GMEB1: variants seen among roughly 807,000 people sequenced by gnomAD.
The protein encoded by GMEB1 is glucocorticoid modulatory element binding protein 1.
GMEB1 carries 6 observed loss-of-function variants against 52.4 expected under a neutral mutation model. The observed-to-expected ratio is 0.11, with a 90% CI of 0.06 to 0.23. The LOEUF is 0.23. GMEB1 is among the 10% of genes least tolerant of loss of function. The pLI, the probability that GMEB1 is intolerant of heterozygous loss-of-function variation, is 1.00. For synonymous variants in GMEB1, 255 were observed against 244.9 expected (o/e 1.04, Z -0.38); for missense variants, 486 against 685.6 (o/e 0.71, Z 3.25).
chr1:28,688,925 T>C (rs1669820904), intron 2 of GMEB1, among the ~76,000 whole-genome samples: 1 of 133,168 alleles, frequency 7.5e-6, no homozygotes, highest in South Asian at 2.5e-4. Flanking sequence ...AGAGTCTTGC[T>C]CCATCGCCCA....
At chr1:28,688,079 G>A (rs1669772364) in intron 2 of GMEB1, among the ~76,000 whole-genome samples, 1 of 152,162 alleles carries the variant, frequency 6.6e-6, no homozygotes, top group Non-Finnish European at 1.5e-5. Context: ...GAGGTCGGGA[G>A]TTTGAGACCA....
chr1:28,691,672 A>G lies in GMEB1; in HGVS notation c.299A>G (p.Lys100Arg), dbSNP rs371609132. ...GESKAILLWKKFVCPGINVKC... is the reference protein window; with the variant it reads ...GESKAILLWKRFVCPGINVKC... The stretch of plus-strand genomic sequence containing the variant: ...AGCAAAGCCATCCTCCTCTGGAAGA[A>G]GTTTGTATGTCCAGGAATAAACGTG... The change falls in exon 4 of 10, where the codon AAG becomes AGG. Residue 100 changes from lysine (K) to arginine (R), a missense_variant. Transcript: ENST00000373816. 10 of 1,582,030 alleles carry G rather than the reference A, an allele frequency of 6.3e-6. No homozygotes were observed. Among genetic ancestry groups the G allele is most frequent in the African/African-American group, 1.3e-5 (1 of 74,236 alleles).
intron 9 of GMEB1, among the ~76,000 whole-genome samples, 189 bp downstream of exon 9, chr1:28,710,831 A>G (rs540193587): frequency 1.1e-3 from 168 of 152,070 alleles, no homozygotes; most frequent in African/African-American, 3.5e-3. Context: ...AAGGAAAAAA[A>G]AAGGAAGCTG....
At chr1:28,712,727 GA>G (rs368368950) in intron 9 of GMEB1, among the ~76,000 whole-genome samples, 3 of 152,102 alleles carry the variant, frequency 2.0e-5, no homozygotes, top group African/African-American at 7.2e-5. Flanking sequence ...GCTGAGGCAG[GA>G]GAATCACTTG....
At chr1:28,696,714 C>T (rs185221612) in intron 5 of GMEB1, among the ~76,000 whole-genome samples, 39 of 152,150 alleles carry the variant, frequency 2.6e-4, no homozygotes, top group Non-Finnish European at 4.7e-4. Flanking sequence ...GAATAAACTA[C>T]AGAGGGAGGA....
chr1:28,689,081 G>C (rs1570402295), intron 2 of GMEB1, among the ~76,000 whole-genome samples: 2 of 151,746 alleles, frequency 1.3e-5, no homozygotes, highest in East Asian at 3.9e-4. Flanking sequence ...GTAGAGACGG[G>C]GTTTCACCAT....
chr1:28,714,828 T>C lies in GMEB1; in HGVS notation c.*55T>C. 3.2e-6 allele frequency: 4 copies of C among 1,250,776 alleles called. No individual in the cohort carries two copies. Among genetic ancestry groups the C allele is most frequent in the Non-Finnish European group, 4.5e-6 (4 of 881,952 alleles). 77.5% of individuals were successfully genotyped at this position (1,250,776 alleles called of 1,614,324 possible). On this transcript the variant is annotated 3_prime_UTR_variant, in exon 10 of 10. Transcript: ENST00000373816. ...TTGATTTGGAATTTTAATTATTTGT[T>C]TATTTTTATCATTGTCCCACTCATT...
chr1:28,702,662 G>C, intron 7 of GMEB1, 93 bp downstream of exon 7: 1 of 1,188,398 alleles, frequency 8.4e-7, no homozygotes, highest in Non-Finnish European at 1.2e-6. Context: ...AATTACTTTC[G>C]CTGGATTTTC....
chr1:28,702,628 C>T, intron 7 of GMEB1, 59 bp downstream of exon 7: 1 of 1,485,438 alleles, frequency 6.7e-7, no homozygotes, highest in African/African-American at 1.4e-5. Context: ...TCACCATTAT[C>T]ATTATGGACA....
In GMEB1 at chr1:28,714,216, A is replaced by G; in HGVS notation, c.1135A>G (p.Thr379Ala). 1.2e-6 allele frequency: 2 copies of G among 1,614,128 alleles called. No individual in the cohort carries two copies. Among genetic ancestry groups the G allele is most frequent in the Non-Finnish European group, 8.5e-7 (1 of 1,180,022 alleles). ...RPRLQRPAST[T>A]VLSPSPPVQQ... ...CCGGCTCCAGCGGCCAGCCTCCACC[A>G]CTGTCTTGAGCCCTTCTCCTCCTGT... Residue 379 changes from threonine (T) to alanine (A), a missense_variant, in exon 10 of 10, where the codon ACT becomes GCT. Thr to Ala is a moderately conservative substitution (Grantham distance 58). This residue lies in a region of GMEB1 where 200 missense variants were observed against 253.5 expected (regional missense o/e 0.79). Coordinates refer to ENST00000373816, the MANE Select transcript of GMEB1 (RefSeq NM_001319674.2).
intron 1 of GMEB1, among the ~76,000 whole-genome samples, chr1:28,683,055 G>A (rs968079992): frequency 3.3e-5 from 5 of 152,046 alleles, no homozygotes; most frequent in Admixed American, 2.6e-4. Context: ...TGAGTCACAC[G>A]TACTAAGAAA....
intron 8 of GMEB1, among the ~76,000 whole-genome samples, chr1:28,705,448 T>TC (rs1382592022): frequency 1.4e-5 from 2 of 147,912 alleles, no homozygotes; most frequent in Middle Eastern, 3.5e-3. Context: ...GTATTTTCTT[T>TC]TTTTTTTTTT....
chr1:28,669,213 C>T lies in GMEB1; in HGVS notation c.-31+374C>T, dbSNP rs1308444520. On this transcript the variant is annotated intron_variant, in intron 1 of 9. Coordinates refer to ENST00000373816, the MANE Select transcript of GMEB1 (RefSeq NM_001319674.2). ...GGCCCGGAAGTACTCGGCTCAGGGG[C>T]CAGGAGGGGCCGGAGTGACTCCGGA... 4.0e-5 allele frequency among the ~76,000 whole-genome samples: 6 copies of T among 151,682 alleles called. No homozygotes were observed. The Middle Eastern group carries it at 0.01, about 258-fold the overall frequency.
At chr1:28,703,204 A>G (rs935569581) in intron 7 of GMEB1, among the ~76,000 whole-genome samples, 3 of 152,174 alleles carry the variant, frequency 2.0e-5, no homozygotes, top group African/African-American at 7.2e-5. Context: ...AGATATTAGA[A>G]GGAAAAAATA....
chr1:28,704,197 A>G lies in GMEB1; in HGVS notation c.736A>G (p.Thr246Ala). ...KKDSEEISED[T>A]LMFWKGIADV... is the part of the protein sequence containing the mutation. ...TCTTATCCTTCTTGTGCCAGAGGACACTTTGATGTTCTGGAAAGGAATAGC... is the reference window on the plus strand; with the variant it reads ...TCTTATCCTTCTTGTGCCAGAGGACGCTTTGATGTTCTGGAAAGGAATAGC... Residue 246 changes from threonine to alanine, a missense_variant, in exon 8 of 10, where the codon ACT becomes GCT. Thr to Ala is a moderately conservative substitution (Grantham distance 58, BLOSUM62 0). Around this residue, in one of 5 missense-constraint regions of GMEB1, gnomAD observed 200 missense variants for 253.5 expected, o/e 0.79. Transcript: ENST00000373816. The G allele has an allele frequency of 1.2e-6, 2 of 1,610,574 alleles. No individual in the cohort carries two copies. Among genetic ancestry groups the G allele is most frequent in the Non-Finnish European group, 1.7e-6 (2 of 1,178,242 alleles).
At position 28,714,273 on chromosome 1, in the gene GMEB1, A is replaced by G. The variant is rs1361445956; in HGVS notation, c.1192A>G (p.Ile398Val). The G allele has an allele frequency of 5.0e-6, 8 of 1,613,954 alleles. No homozygotes were observed. Among genetic ancestry groups the G allele is most frequent in the African/African-American group, 1.3e-5 (1 of 74,888 alleles). Residue 398 changes from isoleucine to valine, a missense_variant, in exon 10 of 10, where the codon ATC (isoleucine) becomes GTC (valine). Physicochemically the swap from Ile to Val is conservative, Grantham distance 29. This residue lies in a region of GMEB1 where 2 missense variants were observed against 17.4 expected (regional missense o/e 0.12). Coordinates refer to ENST00000373816, the MANE Select transcript of GMEB1 (RefSeq NM_001319674.2). ...GCCTCAGTTCACAGTCATCTCACCC[A>G]TCACCATCACCCCAGTGGGTCAGTC... is the stretch of plus-strand genomic sequence containing the variant. Reference protein sequence around the residue: ...QQPQFTVISPITITPVGQSFS... With the variant: ...QQPQFTVISPVTITPVGQSFS...
At chr1:28,697,191 A>ATATATATATT (rs1381954086) in intron 6 of GMEB1, 107 bp downstream of exon 6, 1 of 151,126 alleles carries the variant, frequency 6.6e-6, no homozygotes, top group East Asian at 1.7e-4. Flanking sequence ...ATATATATAT[A>ATATATATATT]TATATATATG....
intron 1 of GMEB1, among the ~76,000 whole-genome samples, chr1:28,669,067 C>G (rs1275249741): frequency 6.8e-6 from 1 of 146,998 alleles, no homozygotes; most frequent in African/African-American, 2.4e-5. Flanking sequence ...GCTGGGTCCG[C>G]CCGAGCCGCC....
chr1:28,715,872 A>G lies in GMEB1; in HGVS notation c.*1099A>G, dbSNP rs900217766. 6 of 151,178 alleles carry G rather than the reference A, an allele frequency of 4.0e-5. No homozygotes were observed. The highest frequency in any genetic ancestry group is 1.5e-4 in the African/African-American group (6 of 41,086). The allele number at this position is 151,178 out of a possible 1,614,324, so 9.4% of individuals were successfully genotyped here. ...TTTGGGAGGCCGAGGTGGGTGAATCACCTGAGGTCAGGAGTTTGAGGCCAG... is the reference window on the plus strand; with the variant it reads ...TTTGGGAGGCCGAGGTGGGTGAATCGCCTGAGGTCAGGAGTTTGAGGCCAG... On this transcript the variant is annotated 3_prime_UTR_variant, in exon 10 of 10. Transcript: ENST00000373816.
Sources: allele counts gnomAD v4.1 joint callset (sites outside exome capture counted in the v4.1 genomes callset), GRCh38; gene constraint gnomAD v4.1.1; regional missense constraint gnomAD v4.1.1; transcripts MANE v1.5; gene names NCBI Gene and HGNC (gene_info 2026-07-23, HGNC 2026-07-21).